C8orf34: variants seen among roughly 807,000 people sequenced by gnomAD.
C8orf34 encodes uncharacterized protein C8orf34.
A neutral mutation model predicts 68.3 loss-of-function variants in C8orf34; 65 were observed. The observed-to-expected ratio is 0.95, with a 90% CI of 0.78 to 1.17. The LOEUF is 1.17. Among genes scored for constraint, C8orf34 ranks in the 50% most tolerant of loss-of-function variants. The pLI, the probability that C8orf34 is intolerant of heterozygous loss-of-function variation, is 0.00. For synonymous variants in C8orf34, 244 were observed against 241.2 expected (o/e 1.01, Z -0.11); for missense variants, 664 against 655.4 (o/e 1.01, Z -0.14).
intron 7 of C8orf34, among the ~76,000 whole-genome samples, chr8:68,636,739 C>T (rs1818857796): frequency 6.6e-6 from 1 of 152,146 alleles, no homozygotes. Flanking sequence ...TCAATCATAT[C>T]ACAAGATCTT....
At chr8:68,586,549 T>C (rs1287747490) in intron 7 of C8orf34, among the ~76,000 whole-genome samples, 1 of 152,136 alleles carries the variant, frequency 6.6e-6, no homozygotes, top group African/African-American at 2.4e-5. Context: ...GCAGTGCGGC[T>C]CACTGAGAAC....
At chr8:68,433,140 T>TG (rs1810517040) in intron 1 of C8orf34, among the ~76,000 whole-genome samples, 1 of 152,106 alleles carries the variant, frequency 6.6e-6, no homozygotes, top group African/African-American at 2.4e-5. Flanking sequence ...GTAGTGGTGG[T>TG]GGGGGTGAAT....
intron 13 of C8orf34, among the ~76,000 whole-genome samples, chr8:68,817,784 A>G (rs1824862734): frequency 6.6e-6 from 1 of 152,126 alleles, no homozygotes. Context: ...GAAACTTACA[A>G]TCATGGCAGA....
chr8:68,799,012 T>C (rs1824256352), intron 12 of C8orf34, among the ~76,000 whole-genome samples: 1 of 152,086 alleles, frequency 6.6e-6, no homozygotes, highest in South Asian at 2.1e-4. Flanking sequence ...CACCAGAAAA[T>C]GTCATAACAA....
intron 1 of C8orf34, among the ~76,000 whole-genome samples, chr8:68,333,819 G>A (rs1038103998): frequency 1.3e-4 from 20 of 152,300 alleles, no homozygotes; most frequent in African/African-American, 3.6e-4. Context: ...ATTGAAATTG[G>A]CCGCTTCATG....
At chr8:68,345,936 T>G (rs977730606) in intron 1 of C8orf34, among the ~76,000 whole-genome samples, 3 of 152,080 alleles carry the variant, frequency 2.0e-5, no homozygotes, top group African/African-American at 7.2e-5. Context: ...ACAGGCCACA[T>G]TTTCTGACCA....
chr8:68,392,317 C>G (rs1808510718), intron 1 of C8orf34, among the ~76,000 whole-genome samples: 1 of 151,800 alleles, frequency 6.6e-6, no homozygotes, highest in African/African-American at 2.4e-5. Flanking sequence ...TACTCTTCTC[C>G]TTTGATATAT....
intron 4 of C8orf34, among the ~76,000 whole-genome samples, chr8:68,477,452 A>G (rs1321294421): frequency 6.6e-6 from 1 of 152,218 alleles, no homozygotes; most frequent in Non-Finnish European, 1.5e-5. Flanking sequence ...CAAAAGGGAA[A>G]TGTAGGGTTG....
At chr8:68,396,333 T>C (rs1485069748) in intron 1 of C8orf34, among the ~76,000 whole-genome samples, 1 of 152,096 alleles carries the variant, frequency 6.6e-6, no homozygotes, top group Admixed American at 6.6e-5. Flanking sequence ...ATGATCATTA[T>C]AATTAATTAT....
At chr8:68,625,382 G>T in intron 7 of C8orf34, 1 of 464,228 alleles carries the variant, frequency 2.2e-6, no homozygotes, top group Non-Finnish European at 3.8e-6. Context: ...TCTAATGTGG[G>T]AAGTGAGATG....
chr8:68,388,157 C>A (rs1334064949), intron 1 of C8orf34, among the ~76,000 whole-genome samples: 1 of 152,150 alleles, frequency 6.6e-6, no homozygotes, highest in Non-Finnish European at 1.5e-5. Flanking sequence ...AACAGACATT[C>A]AATTTACCGT....
chr8:68,421,128 A>G (rs1409643207), intron 1 of C8orf34, among the ~76,000 whole-genome samples: 1 of 152,216 alleles, frequency 6.6e-6, no homozygotes, highest in African/African-American at 2.4e-5. Flanking sequence ...GCAAATTACA[A>G]AAACAAGACA....
chr8:68,741,530 C>T (rs910798753), intron 10 of C8orf34, among the ~76,000 whole-genome samples: 1 of 151,790 alleles, frequency 6.6e-6, no homozygotes, highest in Non-Finnish European at 1.5e-5. Context: ...CTGTAGTCAC[C>T]CTGTTGTGCT....
intron 2 of C8orf34, among the ~76,000 whole-genome samples, chr8:68,439,998 A>G (rs540382782): frequency 7.2e-5 from 11 of 152,308 alleles, no homozygotes; most frequent in African/African-American, 2.4e-4. Flanking sequence ...TAGAAAGACA[A>G]TAGTAGAGTT....
rs976716089 is a variant in C8orf34 at position 68,530,160 on chromosome 8, A to T, written c.939-2823A>T. Among the ~76,000 whole-genome samples the T allele has an allele frequency of 7.2e-5, 11 of 152,192 alleles. No homozygotes were observed. The East Asian group carries it at 1.9e-3, about 27-fold the overall frequency. ...TTAATTGATTTATTAAACAGACCTA[A>T]GTAGAGCTATTTGCCAGGCACTATT... On this transcript the variant is annotated intron_variant, in intron 6 of 13. Coordinates refer to ENST00000518698, the MANE Select transcript of C8orf34 (RefSeq NM_052958.4).
chr8:68,761,175 C>T (rs936102397), intron 10 of C8orf34, among the ~76,000 whole-genome samples: 1 of 152,186 alleles, frequency 6.6e-6, no homozygotes, highest in African/African-American at 2.4e-5. Context: ...TTATGAGAAA[C>T]AAGGGACAAT....
intron 5 of C8orf34, among the ~76,000 whole-genome samples, chr8:68,505,202 T>C (rs1344516233): frequency 6.6e-6 from 1 of 152,200 alleles, no homozygotes; most frequent in Admixed American, 6.5e-5. Context: ...TTTGTTATGG[T>C]TTGTCTTTGA....
At chr8:68,679,492 T>C (rs979689223) in intron 8 of C8orf34, among the ~76,000 whole-genome samples, 28 of 152,246 alleles carry the variant, frequency 1.8e-4, no homozygotes, top group African/African-American at 6.5e-4. Context: ...AAAATGTCCA[T>C]TCTACCCAAG....
chr8:68,781,078 G>A (rs2953948), intron 11 of C8orf34, among the ~76,000 whole-genome samples: 71,273 of 151,990 alleles, frequency 0.47, 19,345 homozygotes, highest in African/African-American at 0.75. Flanking sequence ...TGTTTTGTGC[G>A]TTAGTGACAT....
Sources: allele counts gnomAD v4.1 joint callset (sites outside exome capture counted in the v4.1 genomes callset), GRCh38; gene constraint gnomAD v4.1.1; transcripts MANE v1.5; gene names NCBI Gene and HGNC (gene_info 2026-07-23, HGNC 2026-07-21).